DAB2IP: variants seen among roughly 807,000 people sequenced by gnomAD.
DAB2IP encodes the protein disabled homolog 2-interacting protein.
In DAB2IP, 28 loss-of-function variants were observed where a neutral mutation model predicts 107.2. That is an observed-to-expected ratio of 0.26 (90% confidence interval 0.19 to 0.36). DAB2IP has a LOEUF of 0.36. Among genes scored for constraint, DAB2IP ranks in the 10% least tolerant of loss-of-function variants. The pLI is 1.00. For synonymous variants in DAB2IP, 755 were observed against 706.4 expected, an observed-to-expected ratio of 1.07 and a Z score of -1.09; for missense variants, 1,400 against 1,644.7, an observed-to-expected ratio of 0.85 and a Z score of 2.57.
Position 121,764,509 on chromosome 9 carries a change from GGAT to G in DAB2IP, c.1460+631_1460+633del, listed in dbSNP as rs766597583. Among the ~76,000 whole-genome samples, 8 of 152,336 alleles carry G rather than the reference GGAT, an allele frequency of 5.3e-5. No homozygotes were observed. The South Asian group carries it at 8.3e-4, about 16-fold the overall frequency. ...CTTCACGGCCACCAGCTTGCTCCTGGGATATATGTGTGTGATGGCCAGCCAGCC... is the reference window on the plus strand; with the variant it reads ...CTTCACGGCCACCAGCTTGCTCCTGGATATGTGTGTGATGGCCAGCCAGCC... On this transcript the variant is annotated intron_variant, in intron 8 of 15. Transcript: ENST00000408936.
intron 3 of DAB2IP, among the ~76,000 whole-genome samples, chr9:121,734,097 G>GAGCCTGCAAGCGGTTATGCAGA (rs1831717997): frequency 2.1e-5 from 3 of 140,936 alleles, no homozygotes; most frequent in Admixed American, 6.7e-5. Context: ...ATGTTGCTGG[G>GAGCCTGCAAGCGGTTATGCAGA]CCGGGCGCGG....
In DAB2IP at chr9:121,702,091, G is replaced by A. The variant is rs1398599309; in HGVS notation, c.362+2633G>A. Among the ~76,000 whole-genome samples the A allele has an allele frequency of 2.0e-5, 3 of 151,598 alleles. No individual in the cohort carries two copies. The highest frequency in any genetic ancestry group is 1.5e-5 in the Non-Finnish European group (1 of 67,882). On this transcript the variant is annotated intron_variant, in intron 3 of 15. Transcript: ENST00000408936. The surrounding 1 kb of genome is among the most constrained non-coding windows in gnomAD (Gnocchi z 4.5). ...AGATGAGCGGCACAGGGCACTCTGG[G>A]GCGGCCACTTGAGTTCTGACTTTGG...
chr9:121,597,076 T>C (rs565420690), intron 1 of DAB2IP, among the ~76,000 whole-genome samples: 29 of 152,372 alleles, frequency 1.9e-4, no homozygotes, highest in African/African-American at 6.7e-4. Context: ...ATTGCCTCTT[T>C]AGCACATTGG....
At chr9:121,630,961 G>C (rs569844444) in intron 1 of DAB2IP, among the ~76,000 whole-genome samples, 1 of 152,288 alleles carries the variant, frequency 6.6e-6, no homozygotes, top group East Asian at 1.9e-4. Flanking sequence ...GACCTTACTA[G>C]AGCCCAAAGG....
intron 1 of DAB2IP, among the ~76,000 whole-genome samples, chr9:121,638,656 G>T (rs552438289): frequency 6.6e-6 from 1 of 152,304 alleles, no homozygotes; most frequent in Admixed American, 6.5e-5. Flanking sequence ...GGGCAGCTAG[G>T]GCAGGGGCTG....
In DAB2IP at chr9:121,736,568, A is replaced by AGGGCTG. The variant is rs377358483; in HGVS notation, c.363-20434_363-20429dup. On this transcript the variant is annotated intron_variant, in intron 3 of 15. Transcript: ENST00000408936. The surrounding 1 kb of genome is among the most constrained non-coding windows in gnomAD (Gnocchi z 4.6). ...GTGGGGGGCGGGTGGGAGGGCCCGGAGGGCTGGGGCTGGGGCGGGCCGCTT... is the reference window on the plus strand; with the variant it reads ...GTGGGGGGCGGGTGGGAGGGCCCGGAGGGCTGGGGCTGGGGCTGGGGCGGGCCGCTT... 1.5e-3 allele frequency among the ~76,000 whole-genome samples: 6 copies of AGGGCTG among 3,906 alleles called. No homozygotes were observed. The highest frequency in any genetic ancestry group is 8.6e-3 in the East Asian group (2 of 232). The allele number at this position is 3,906 out of a possible 152,430, so 2.6% of individuals were successfully genotyped here. A position where few individuals can be genotyped will look rare whatever the true frequency, so the allele number is the denominator to read the frequency against.
chr9:121,744,128 A>G (rs1564194301), intron 3 of DAB2IP, among the ~76,000 whole-genome samples: 1 of 152,138 alleles, frequency 6.6e-6, no homozygotes. Context: ...GAGTGGCCGA[A>G]CCTTTGGCTG....
chr9:121,704,283 C>T (rs937196979), intron 3 of DAB2IP, among the ~76,000 whole-genome samples: 16 of 152,280 alleles, frequency 1.1e-4, no homozygotes, highest in Admixed American at 9.8e-4. Context: ...TACCCCTCCC[C>T]AGTGATTTTT....
At chr9:121,767,696 C>T (rs1834386606) in intron 9 of DAB2IP, among the ~76,000 whole-genome samples, 1 of 152,156 alleles carries the variant, frequency 6.6e-6, no homozygotes, top group Admixed American at 6.5e-5. Flanking sequence ...AAAAGCTCAC[C>T]CTGACAGCAG....
upstream of DAB2IP, among the ~76,000 whole-genome samples, chr9:121,649,094 C>CT (rs1374785898): frequency 6.6e-6 from 1 of 152,178 alleles, no homozygotes; most frequent in Non-Finnish European, 1.5e-5. Flanking sequence ...TCCTGCCCTG[C>CT]CCCCTTCCCA....
intron 1 of DAB2IP, among the ~76,000 whole-genome samples, chr9:121,642,025 C>CTTTCTTTCCTTCTT (rs1274054146): frequency 9.2e-5 from 1 of 10,888 alleles, no homozygotes; most frequent in Admixed American, 1.1e-3. Flanking sequence ...CTCTCTCTCT[C>CTTTCTTTCCTTCTT]TCTCTCTTTC....
intron 1 of DAB2IP, among the ~76,000 whole-genome samples, chr9:121,664,782 A>G (rs531566637): frequency 6.6e-6 from 1 of 152,368 alleles, no homozygotes; most frequent in East Asian, 1.9e-4. Context: ...CTTCAGGTTT[A>G]TATCAGTTCC....
At chr9:121,602,641 T>A (rs976064260) in intron 1 of DAB2IP, among the ~76,000 whole-genome samples, 3 of 152,186 alleles carry the variant, frequency 2.0e-5, no homozygotes, top group Non-Finnish European at 4.4e-5. Context: ...AGTGGCGTGA[T>A]CTCGGCTCAC....
At chr9:121,741,290 A>G (rs1832323114) in intron 3 of DAB2IP, among the ~76,000 whole-genome samples, 1 of 152,102 alleles carries the variant, frequency 6.6e-6, no homozygotes, top group African/African-American at 2.4e-5. Context: ...CCTATGGCTG[A>G]TGCAGAACTC....
chr9:121,616,738 C>T lies in DAB2IP; in HGVS notation c.40+49510C>T, dbSNP rs1332017388. ...CCACAGGCAGGTCAGTCCTGAGTAC[C>T]GGCCCTGGCCCGACCCTGGCCCTCA... On this transcript the variant is annotated intron_variant, in intron 1 of 16. Transcript: ENST00000259371. 1.7e-4 allele frequency among the ~76,000 whole-genome samples: 26 copies of T among 152,306 alleles called. 1 individual carries two copies. The highest frequency in any genetic ancestry group is 3.4e-3 in the Middle Eastern group (1 of 294).
At chr9:121,581,698 C>T (rs762048815) in intron 1 of DAB2IP, among the ~76,000 whole-genome samples, 3 of 152,194 alleles carry the variant, frequency 2.0e-5, no homozygotes, top group Admixed American at 6.5e-5. Flanking sequence ...GAGCAGCCCA[C>T]GTGCCTAGTC....
chr9:121,661,980 C>T (rs1257264674), intron 1 of DAB2IP, among the ~76,000 whole-genome samples: 3 of 145,856 alleles, frequency 2.1e-5, no homozygotes, highest in East Asian at 2.0e-4. Flanking sequence ...GACCCTGTCT[C>T]GAAAAAAAAA....
chr9:121,741,672 A>G (rs1435092876), intron 3 of DAB2IP, among the ~76,000 whole-genome samples: 4 of 151,756 alleles, frequency 2.6e-5, no homozygotes, highest in African/African-American at 7.3e-5. Flanking sequence ...GGGTCCTTTT[A>G]TAGAAAGAAA....
At chr9:121,602,608 C>T (rs952083514) in intron 1 of DAB2IP, among the ~76,000 whole-genome samples, 1 of 149,496 alleles carries the variant, frequency 6.7e-6, no homozygotes, top group African/African-American at 2.5e-5. Context: ...TGGAGTCTCC[C>T]TCTGTCACCC....
Sources: allele counts gnomAD v4.1 joint callset (sites outside exome capture counted in the v4.1 genomes callset), GRCh38; gene constraint gnomAD v4.1.1; non-coding constraint Gnocchi (gnomAD v3.1); transcripts MANE v1.5; gene names NCBI Gene and HGNC (gene_info 2026-07-23, HGNC 2026-07-21).